Variants in ATG7 observed in about 807,000 individuals in gnomAD.
The protein encoded by ATG7 is autophagy related 7, also known as ubiquitin-like modifier-activating enzyme ATG7.
A neutral mutation model predicts 82.4 loss-of-function variants in ATG7; 70 were observed. The ratio of observed to expected loss-of-function variants is 0.85; its 90% confidence interval spans 0.70 to 1.04. The LOEUF (loss-of-function observed/expected upper bound fraction) is 1.04. ATG7 is among the 50% of genes least tolerant of loss of function. The pLI is 0.00. For synonymous variants in ATG7, 287 were observed against 313.0 expected, an observed-to-expected ratio of 0.92 and a Z score of 0.88; for missense variants, 792 against 864.3, an observed-to-expected ratio of 0.92 and a Z score of 1.05.
intron 18 of ATG7, 80 bp from the exon 19 acceptor site, chr3:11,379,892 T>C (rs1559503687): frequency 7.2e-7 from 1 of 1,387,640 alleles, no homozygotes; most frequent in Non-Finnish European, 1.0e-6. Flanking sequence ...TTCCTACTTG[T>C]TGTCAGAAAC....
intron 19 of ATG7, among the ~76,000 whole-genome samples, chr3:11,409,775 CTTTT>C (rs36100546): frequency 6.9e-6 from 1 of 144,368 alleles, no homozygotes; most frequent in African/African-American, 2.5e-5. Context: ...TGTCTAGATT[CTTTT>C]TTTTTTTTTT....
chr3:11,441,304 C>T (rs1349010734), intron 20 of ATG7, among the ~76,000 whole-genome samples: 1 of 152,146 alleles, frequency 6.6e-6, no homozygotes, highest in African/African-American at 2.4e-5. Context: ...AGCGCAGTGA[C>T]ATGATCTCAG....
At chr3:11,471,745 C>CTTTTTTTTTTTT (rs200590021) in intron 20 of ATG7, among the ~76,000 whole-genome samples, 3 of 105,708 alleles carry the variant, frequency 2.8e-5, no homozygotes, top group African/African-American at 3.8e-5. Context: ...TTTTAGATTT[C>CTTTTTTTTTTTT]TTTTTTTTTT....
At chr3:11,334,635 T>C (rs550262070) in intron 11 of ATG7, among the ~76,000 whole-genome samples, 1 of 151,688 alleles carries the variant, frequency 6.6e-6, no homozygotes, top group Admixed American at 6.6e-5. Flanking sequence ...TTAAAATGTG[T>C]GTGTGTGTGA....
At chr3:11,574,781 ATATATGTGTG>A in the ATG7 span, among the ~76,000 whole-genome samples, 5 of 120,948 alleles carry the variant, frequency 4.1e-5, no homozygotes, top group African/African-American at 1.0e-4. Flanking sequence ...CAATTCAACT[ATATATGTGTG>A]TGTGTGTGTG....
At chr3:11,563,456 G>A in the ATG7 span, among the ~76,000 whole-genome samples, 6 of 152,220 alleles carry the variant, frequency 3.9e-5, no homozygotes, top group Non-Finnish European at 8.8e-5. Context: ...AGCCCCTGCT[G>A]CTGCCCAACA....
At chr3:11,342,103 G>A (rs550989486) in intron 12 of ATG7, 32 bp from the exon 13 acceptor site, 2 of 1,593,154 alleles carry the variant, frequency 1.3e-6, no homozygotes, top group Non-Finnish European at 1.7e-6. Context: ...GCATAAAGGA[G>A]TGACTGAATA....
chr3:11,506,760 A>C (rs774941403), intron 20 of ATG7, among the ~76,000 whole-genome samples: 25 of 151,814 alleles, frequency 1.6e-4, no homozygotes, highest in Non-Finnish European at 3.4e-4. Flanking sequence ...ACAAAGCAAA[A>C]AAATGCTTCC....
At chr3:11,433,172 A>G (rs1197842494) in intron 20 of ATG7, among the ~76,000 whole-genome samples, 1 of 151,662 alleles carries the variant, frequency 6.6e-6, no homozygotes, top group East Asian at 1.9e-4. Context: ...CACACCAGCT[A>G]CTTATAATGC....
At chr3:11,544,322 C>G (rs1051883182) in intron 20 of ATG7, among the ~76,000 whole-genome samples, 2 of 152,208 alleles carry the variant, frequency 1.3e-5, no homozygotes, top group African/African-American at 4.8e-5. Context: ...CAAAAGCAGA[C>G]CTGGGTCCAG....
intron 20 of ATG7, among the ~76,000 whole-genome samples, chr3:11,516,031 TAAA>T (rs35770722): frequency 4.4e-5 from 6 of 135,236 alleles, no homozygotes; most frequent in Middle Eastern, 3.7e-3. Flanking sequence ...CATTCCTTTT[TAAA>T]AAAAAAAAAA....
chr3:11,361,032 A>G (rs1347162631), intron 16 of ATG7, among the ~76,000 whole-genome samples: 1 of 152,162 alleles, frequency 6.6e-6, no homozygotes, highest in African/African-American at 2.4e-5. Context: ...CTTATTGAGG[A>G]AACCACAGCA....
chr3:11,530,359 G>A (rs2092671692), intron 20 of ATG7, among the ~76,000 whole-genome samples: 1 of 152,172 alleles, frequency 6.6e-6, no homozygotes, highest in Non-Finnish European at 1.5e-5. Context: ...GAAGCACTCT[G>A]CATCGCCACC....
chr3:11,368,248 AAAAAG>A (rs1475617234), intron 18 of ATG7, among the ~76,000 whole-genome samples: 43 of 151,194 alleles, frequency 2.8e-4, no homozygotes, highest in Admixed American at 9.2e-4. Flanking sequence ...AAAAAAAAAA[AAAAAG>A]AAGAAGAAGA....
intron 20 of ATG7, among the ~76,000 whole-genome samples, chr3:11,486,036 G>C (rs141468501): frequency 0.026 from 3,974 of 152,184 alleles, 78 homozygotes; most frequent in Non-Finnish European, 0.041. Context: ...CTCTTTTTTG[G>C]TTCCATATGA....
At chr3:11,346,019 C>A (rs1218826443) in intron 13 of ATG7, among the ~76,000 whole-genome samples, 3 of 152,168 alleles carry the variant, frequency 2.0e-5, no homozygotes, top group Non-Finnish European at 2.9e-5. Context: ...TTTGCTCTTA[C>A]CAATTAACAT....
chr3:11,292,555 C>T (rs1385081816), intron 3 of ATG7, among the ~76,000 whole-genome samples: 1 of 151,354 alleles, frequency 6.6e-6, no homozygotes, highest in Non-Finnish European at 1.5e-5. Context: ...CCACCACACC[C>T]AGCCTCCTTG....
the ATG7 span, chr3:11,565,091 A>G: frequency 7.5e-7 from 1 of 1,337,710 alleles, no homozygotes; most frequent in Non-Finnish European, 9.8e-7. This position sits in a 1 kb window ranked among gnomAD's most constrained non-coding sequence, Gnocchi z 4.1. Context: ...TGCGCCAGGC[A>G]CTCCGTGTTG....
intron 12 of ATG7, among the ~76,000 whole-genome samples, 195 bp downstream of exon 12, chr3:11,340,930 C>A (rs1406929265): frequency 6.6e-6 from 1 of 152,162 alleles, no homozygotes; most frequent in Non-Finnish European, 1.5e-5. Flanking sequence ...AGGGCACACT[C>A]TTCATCTGTT....
Sources: allele counts gnomAD v4.1 joint callset (sites outside exome capture counted in the v4.1 genomes callset), GRCh38; gene constraint gnomAD v4.1.1; non-coding constraint Gnocchi (gnomAD v3.1); transcripts MANE v1.5; gene names NCBI Gene and HGNC (gene_info 2026-07-23, HGNC 2026-07-21).